GNB5: variants seen among roughly 807,000 people sequenced by gnomAD.
The protein encoded by GNB5 is G protein subunit beta 5.
A neutral mutation model predicts 55.3 loss-of-function variants in GNB5; 37 were observed. That is an observed-to-expected ratio of 0.67 (90% confidence interval 0.51 to 0.88). GNB5 has a LOEUF of 0.88. Ranked by LOEUF, GNB5 falls within the 40% of genes least tolerant of loss-of-function variation. The pLI is 0.00. For synonymous variants in GNB5, 219 were observed against 198.5 expected (o/e 1.10, Z -0.87); for missense variants, 476 against 515.3 (o/e 0.92, Z 0.74).
At chr15:52,184,508 T>C in intron 2 of GNB5, 43 bp downstream of exon 2, 1 of 1,571,400 alleles carries the variant, frequency 6.4e-7, no homozygotes, top group Non-Finnish European at 8.7e-7. Flanking sequence ...CTCGCTTGAC[T>C]GTTTTAAGAC....
chr15:52,128,333 C>CT (rs2141185760), intron 9 of GNB5, 89 bp from the exon 10 acceptor site: 1 of 845,514 alleles, frequency 1.2e-6, no homozygotes, highest in South Asian at 1.4e-5. Flanking sequence ...ATCAGAATCT[C>CT]TATTTCTAGG....
intron 8 of GNB5, among the ~76,000 whole-genome samples, chr15:52,134,087 C>A (rs1449286840): frequency 6.6e-6 from 1 of 152,220 alleles, no homozygotes; most frequent in Non-Finnish European, 1.5e-5. Context: ...GGCAAGTCAC[C>A]TCCCTGGGCG....
rs146807725 is a variant in GNB5, at chr15:52,166,092, A to G, written c.239-12016T>C. Among the ~76,000 whole-genome samples the G allele has an allele frequency of 6.8e-3, 1,033 of 152,354 alleles. 11 individuals carry two copies. The highest frequency in any genetic ancestry group is 0.024 in the African/African-American group (1,000 of 41,574). ...AACCAACAAAGATAAAAAAAGACAG[A>G]GAAGGGCATTACATAATGGTAAAGT... On this transcript the variant is annotated intron_variant, in intron 3 of 12. Transcript: ENST00000261837.
rs548491474 is a variant in GNB5, at chr15:52,120,743, C to T, written c.*2014G>A. ...CTCAGGAATCCCATGGTGCCCTGAC[C>T]CCTTCAGCACCTGGCAGGAGCTGGC... On this transcript the variant is annotated 3_prime_UTR_variant, in exon 13 of 13. Coordinates refer to ENST00000261837, the MANE Select transcript of GNB5 (RefSeq NM_016194.4). The T allele has an allele frequency of 6.6e-6, 1 of 152,348 alleles. No homozygotes were observed. Among genetic ancestry groups the T allele is most frequent in the South Asian group, 2.1e-4 (1 of 4,834 alleles). 9.4% of individuals were successfully genotyped at this position (152,348 alleles called of 1,614,324 possible).
chr15:52,168,052 G>A (rs2034483868), intron 3 of GNB5, among the ~76,000 whole-genome samples: 3 of 152,134 alleles, frequency 2.0e-5, no homozygotes, highest in African/African-American at 7.2e-5. Flanking sequence ...ATATCATACT[G>A]AATGGGCAAA....
intron 6 of GNB5, chr15:52,144,309 C>T (rs1441235160): frequency 3.3e-5 from 5 of 152,212 alleles, no homozygotes; most frequent in African/African-American, 1.2e-4. Context: ...GCAGAAGGGC[C>T]TACCCAATAT....
At chr15:52,149,189 T>C (rs549251451) in intron 5 of GNB5, 1 of 152,558 alleles carries the variant, frequency 6.6e-6, no homozygotes, top group Non-Finnish European at 1.5e-5. Flanking sequence ...CAATGCAGAA[T>C]ATGGCTGCTG....
chr15:52,140,637 T>C (rs1428480525), intron 7 of GNB5, among the ~76,000 whole-genome samples: 3 of 152,366 alleles, frequency 2.0e-5, no homozygotes, highest in African/African-American at 7.2e-5. Flanking sequence ...CTTTCACCAC[T>C]TGCTAAAGAA....
chr15:52,171,981 C>T (rs1433585969), intron 3 of GNB5, among the ~76,000 whole-genome samples: 1 of 152,228 alleles, frequency 6.6e-6, no homozygotes, highest in Admixed American at 6.5e-5. Context: ...GAGTAAAGCT[C>T]CCACACAGCC....
At chr15:52,181,470 G>A (rs2034768037) in intron 2 of GNB5, among the ~76,000 whole-genome samples, 1 of 152,094 alleles carries the variant, frequency 6.6e-6, no homozygotes, top group Admixed American at 6.5e-5. Flanking sequence ...ACAAAAATTA[G>A]TCGGGCGTGG....
intron 2 of GNB5, among the ~76,000 whole-genome samples, chr15:52,181,869 C>G (rs1236217334): frequency 6.6e-6 from 1 of 151,744 alleles, no homozygotes; most frequent in Non-Finnish European, 1.5e-5. Flanking sequence ...ATATATAAAT[C>G]TGTATAAACT....
chr15:52,158,592 G>A (rs917173979), intron 3 of GNB5, among the ~76,000 whole-genome samples: 4 of 151,792 alleles, frequency 2.6e-5, no homozygotes, highest in African/African-American at 9.7e-5. Flanking sequence ...AGCACTGGGA[G>A]TGGGAGGCAC....
In GNB5 at chr15:52,133,170, G is replaced by A. The variant is rs140605319; in HGVS notation, c.863+208C>T. The stretch of plus-strand genomic sequence containing the variant: ...GAAAAATGCTGATTCAACTTAGGGA[G>A]GATATTAATTGCTCCTAATGTAATT... On this transcript the variant is annotated intron_variant, in intron 9 of 12. Transcript: ENST00000261837. Among the ~76,000 whole-genome samples, 325 of 152,198 alleles carry A rather than the reference G, an allele frequency of 2.1e-3. 1 individual carries two copies. The highest frequency in any genetic ancestry group is 7.7e-3 in the African/African-American group (318 of 41,520).
intron 7 of GNB5, chr15:52,139,882 A>G (rs945778263): frequency 7.0e-6 from 9 of 1,286,734 alleles, no homozygotes; most frequent in African/African-American, 3.0e-5. Context: ...GGGTCTCCAC[A>G]GAGGGGCTTC....
In GNB5 at chr15:52,171,165, G is replaced by C. The variant is rs1418779548; in HGVS notation, c.238+8603C>G. 4.6e-5 allele frequency among the ~76,000 whole-genome samples: 7 copies of C among 151,358 alleles called. 1 individual carries two copies. In the South Asian group the frequency reaches 1.5e-3, roughly 32 times the overall value. On this transcript the variant is annotated intron_variant, in intron 3 of 12. Transcript: ENST00000261837. ...CCCTGAATTCCCTAATTAAAAGTTT[G>C]GAGAATTAAGTTATGGGACCATCTT... is the stretch of plus-strand genomic sequence containing the variant.
chr15:52,122,893 C>G, intron 12 of GNB5, 125 bp from the exon 13 acceptor site: 1 of 718,854 alleles, frequency 1.4e-6, no homozygotes, highest in South Asian at 1.5e-5. Context: ...TGTGTGTACA[C>G]ACACACACAC....
chr15:52,141,067 A>C, intron 7 of GNB5, 73 bp downstream of exon 7: 1 of 1,377,644 alleles, frequency 7.3e-7, no homozygotes, highest in Middle Eastern at 1.9e-4. Context: ...AGACGCCGAA[A>C]GCTTCCTCTC....
chr15:52,166,150 A>C (rs1236579830), intron 3 of GNB5, among the ~76,000 whole-genome samples: 1 of 152,218 alleles, frequency 6.6e-6, no homozygotes, highest in Non-Finnish European at 1.5e-5. Flanking sequence ...AACTATTCTA[A>C]ATATATATGC....
chr15:52,128,954 CT>C lies in GNB5; in HGVS notation c.864-711del, dbSNP rs536792407. 4.7e-3 allele frequency among the ~76,000 whole-genome samples: 602 copies of C among 126,994 alleles called. 2 individuals are homozygous for C. The highest frequency in any genetic ancestry group is 0.014 in the African/African-American group (435 of 32,018). 83.3% of individuals were successfully genotyped at this position (126,994 alleles called of 152,430 possible). On this transcript the variant is annotated intron_variant, in intron 9 of 12. Transcript: ENST00000261837. ...TTCCCCACACCTTCCATTGTTTCTC[CT>C]TTTTTTTTTTTTTTTTTTGAGACTG...
Sources: gnomAD v4.1 joint callset for allele counts (sites outside exome capture counted in the v4.1 genomes callset) on GRCh38, gnomAD v4.1.1 for gene constraint, MANE v1.5 for transcripts, NCBI Gene and HGNC (gene_info 2026-07-23, HGNC 2026-07-21) for gene names.